NMT2: variants seen among roughly 807,000 people sequenced by gnomAD.
The protein encoded by NMT2 is glycylpeptide N-tetradecanoyltransferase 2.
Under a neutral mutation model 65.4 loss-of-function variants are expected in NMT2, and 35 were observed. That is an observed-to-expected ratio of 0.54 (90% CI 0.41 to 0.71). NMT2 has a LOEUF of 0.71. Among genes scored for constraint, NMT2 ranks in the 30% least tolerant of loss-of-function variants. The pLI is 0.00. For missense variants in NMT2, 489 were observed against 611.3 expected (o/e 0.80, Z 2.11); for synonymous variants, 226 against 231.8 (o/e 0.98, Z 0.23).
chr10:15,136,317 A>G (rs1412261177), intron 2 of NMT2, among the ~76,000 whole-genome samples: 1 of 148,744 alleles, frequency 6.7e-6, no homozygotes, highest in Non-Finnish European at 1.5e-5. Context: ...AGAGAAAGAG[A>G]AAGGGAGAGA....
At chr10:15,109,930 G>T in intron 10 of NMT2, 91 bp from the exon 11 acceptor site, 1 of 1,021,788 alleles carries the variant, frequency 9.8e-7, no homozygotes, top group Non-Finnish European at 1.4e-6. Flanking sequence ...CTAATAGCTC[G>T]AATATGCATT....
intron 1 of NMT2, among the ~76,000 whole-genome samples, chr10:15,145,280 GT>G (rs1310685337): frequency 2.6e-5 from 4 of 152,216 alleles, no homozygotes; most frequent in Non-Finnish European, 5.9e-5. Flanking sequence ...AGGGATGTGG[GT>G]TTATTTTGGG....
At chr10:15,150,892 C>T (rs905608993) in intron 1 of NMT2, among the ~76,000 whole-genome samples, 6 of 152,120 alleles carry the variant, frequency 3.9e-5, no homozygotes, top group Non-Finnish European at 7.4e-5. Context: ...ATCCCCCTTG[C>T]TAGCTTCTAG....
At position 15,168,632 on chromosome 10, in the gene NMT2, G is replaced by A. The variant is rs377437113; in HGVS notation, c.-20C>T. On this transcript the variant is annotated 5_prime_UTR_variant, in exon 1 of 12. Coordinates refer to ENST00000378165, the MANE Select transcript of NMT2 (RefSeq NM_004808.3). ...CGCCATCGCGGCGGCGCTGGCTGGGGAGGCGGTGCTCGGGGCCGGGCCGGA... is the reference window on the plus strand; with the variant it reads ...CGCCATCGCGGCGGCGCTGGCTGGGAAGGCGGTGCTCGGGGCCGGGCCGGA... The A allele has an allele frequency of 6.4e-7, 1 of 1,566,196 alleles. No individual in the cohort carries two copies.
At chr10:15,126,425 T>A (rs1415677939) in intron 8 of NMT2, among the ~76,000 whole-genome samples, 1 of 137,058 alleles carries the variant, frequency 7.3e-6, no homozygotes, top group Non-Finnish European at 1.6e-5. Flanking sequence ...CGAGCCTCCA[T>A]CTTAAAAAAA....
chr10:15,120,476 T>C (rs1845892405), intron 8 of NMT2, among the ~76,000 whole-genome samples: 1 of 151,780 alleles, frequency 6.6e-6, no homozygotes, highest in African/African-American at 2.4e-5. Context: ...ATAAATAAAG[T>C]ATACAGGAGG....
At chr10:15,138,290 C>A in intron 2 of NMT2, 1 of 461,368 alleles carries the variant, frequency 2.2e-6, no homozygotes, top group South Asian at 1.6e-5. Flanking sequence ...TGATTACAGG[C>A]ATGAACAACC....
chr10:15,152,886 G>C (rs186676773), intron 1 of NMT2, among the ~76,000 whole-genome samples: 2 of 152,306 alleles, frequency 1.3e-5, no homozygotes, highest in East Asian at 3.9e-4. Context: ...AGTCTGGAGA[G>C]GTGATACATG....
intron 2 of NMT2, 68 bp from the exon 3 acceptor site, chr10:15,135,486 C>A: frequency 1.3e-6 from 2 of 1,522,780 alleles, no homozygotes; most frequent in Non-Finnish European, 1.8e-6. Flanking sequence ...AGCAGACGCA[C>A]GTGCATCTGC....
intron 1 of NMT2, among the ~76,000 whole-genome samples, chr10:15,145,303 T>C (rs764038358): frequency 2.4e-4 from 36 of 152,146 alleles, no homozygotes; most frequent in Non-Finnish European, 4.0e-4. Context: ...GTGATGGAAA[T>C]GTTCTAAAAT....
intron 2 of NMT2, among the ~76,000 whole-genome samples, chr10:15,137,331 A>C (rs1240339174): frequency 6.6e-6 from 1 of 152,114 alleles, no homozygotes; most frequent in African/African-American, 2.4e-5. Flanking sequence ...CAAGATGGCC[A>C]CAGTTTTTGT....
chr10:15,129,558 G>A (rs1289403501), intron 7 of NMT2, among the ~76,000 whole-genome samples: 1 of 152,218 alleles, frequency 6.6e-6, no homozygotes, highest in Non-Finnish European at 1.5e-5. Context: ...GCAAAGCATG[G>A]CAGAAAACTG....
intron 2 of NMT2, among the ~76,000 whole-genome samples, chr10:15,139,530 T>C (rs1351166419): frequency 1.3e-5 from 2 of 152,116 alleles, no homozygotes; most frequent in Non-Finnish European, 2.9e-5. Flanking sequence ...GTTTATCTGA[T>C]GAAGCGACAT....
intron 9 of NMT2, among the ~76,000 whole-genome samples, chr10:15,117,971 T>A (rs1235540829): frequency 6.6e-6 from 1 of 152,230 alleles, no homozygotes; most frequent in Non-Finnish European, 1.5e-5. Flanking sequence ...ATGTAATCCC[T>A]ATCAAACTAC....
At chr10:15,131,841 G>T (rs533723701) in intron 6 of NMT2, among the ~76,000 whole-genome samples, 6 of 152,192 alleles carry the variant, frequency 3.9e-5, no homozygotes, top group Non-Finnish European at 5.9e-5. Context: ...TGGAGAGAAA[G>T]CTTTATCTCT....
rs74532960 is a variant in NMT2 at position 15,121,154 on chromosome 10, T to C, written c.1000-1641A>G. ...TATTTTTTTCTGTAAACCTGATTTTTCCCCCCCTTGGAGAAACACTAGATA... is the reference window on the plus strand; with the variant it reads ...TATTTTTTTCTGTAAACCTGATTTTCCCCCCCCTTGGAGAAACACTAGATA... On this transcript the variant is annotated intron_variant, in intron 8 of 11. Coordinates refer to ENST00000378165, the MANE Select transcript of NMT2 (RefSeq NM_004808.3). 7.3e-3 allele frequency among the ~76,000 whole-genome samples: 1,116 copies of C among 151,980 alleles called. 11 individuals carry two copies. Among genetic ancestry groups the C allele is most frequent in the East Asian group, 0.036 (186 of 5,170 alleles).
chr10:15,108,257 G>A lies in NMT2; in HGVS notation c.*938C>T, dbSNP rs1402032811. On this transcript the variant is annotated 3_prime_UTR_variant, in exon 12 of 12. Transcript: ENST00000378165. ...GGCTGGAGTGCAGTGGCTCGATCTC[G>A]GCTCACTGCAACCTCACCTCTCAGG... 7 of 859,338 alleles carry A rather than the reference G, an allele frequency of 8.1e-6. No homozygotes were observed. Among genetic ancestry groups the A allele is most frequent in the African/African-American group, 3.7e-5 (2 of 53,510 alleles). 53.2% of individuals were successfully genotyped at this position (859,338 alleles called of 1,614,324 possible). A position where few individuals can be genotyped will look rare whatever the true frequency, so the allele number is the denominator to read the frequency against.
chr10:15,128,919 C>A (rs1846185108), intron 7 of NMT2, among the ~76,000 whole-genome samples: 1 of 152,112 alleles, frequency 6.6e-6, no homozygotes, highest in Admixed American at 6.6e-5. Context: ...GCAGGAGAAT[C>A]ACTTGAACCT....
intron 2 of NMT2, among the ~76,000 whole-genome samples, chr10:15,140,316 G>GT (rs1846699613): frequency 6.6e-6 from 1 of 151,890 alleles, no homozygotes; most frequent in Non-Finnish European, 1.5e-5. Context: ...TAGAGACAGG[G>GT]TTTTGCCATG....
Sources: allele counts gnomAD v4.1 joint callset (sites outside exome capture counted in the v4.1 genomes callset), GRCh38; gene constraint gnomAD v4.1.1; transcripts MANE v1.5; gene names NCBI Gene and HGNC (gene_info 2026-07-23, HGNC 2026-07-21).